The following FOXP2 variants were observed in gnomAD, a reference collection of about 807,000 sequenced individuals.
FOXP2 encodes the protein forkhead box P2.
Under a neutral mutation model 115.8 loss-of-function variants are expected in FOXP2, and 12 were observed. That is an observed-to-expected ratio of 0.10 (90% CI 0.07 to 0.17). The LOEUF is 0.17. Among genes scored for constraint, FOXP2 ranks in the 10% least tolerant of loss-of-function variants. FOXP2 has a pLI of 1.00. For synonymous variants in FOXP2, 328 were observed against 297.7 expected, an observed-to-expected ratio of 1.10 and a Z score of -1.05; for missense variants, 629 against 843.5, an observed-to-expected ratio of 0.75 and a Z score of 3.15.
intron 2 of FOXP2, among the ~76,000 whole-genome samples, chr7:114,530,481 T>C (rs1799090425): frequency 6.6e-6 from 1 of 151,892 alleles, no homozygotes; most frequent in Admixed American, 6.6e-5. Context: ...TATGGGGAGA[T>C]ATATGACTGA....
intron 1 of FOXP2, among the ~76,000 whole-genome samples, chr7:114,109,765 T>A (rs1335957227): frequency 6.6e-6 from 1 of 152,126 alleles, no homozygotes; most frequent in Non-Finnish European, 1.5e-5. Flanking sequence ...TATTTTTATT[T>A]GTTGTTAAAT....
At chr7:114,292,139 C>T (rs1470700728) in intron 2 of FOXP2, among the ~76,000 whole-genome samples, 3 of 151,104 alleles carry the variant, frequency 2.0e-5, no homozygotes, top group Non-Finnish European at 4.4e-5. Flanking sequence ...TTGCCATGTT[C>T]TGTTGGCTGG....
chr7:114,102,042 A>G (rs540013136), intron 1 of FOXP2, among the ~76,000 whole-genome samples: 1 of 151,794 alleles, frequency 6.6e-6, no homozygotes, highest in South Asian at 2.1e-4. Flanking sequence ...TATTTTTTCC[A>G]TACCTAAATT....
chr7:114,489,448 C>T (rs73436138), intron 2 of FOXP2, among the ~76,000 whole-genome samples: 3,854 of 152,054 alleles, frequency 0.025, 124 homozygotes, highest in African/African-American at 0.074. Context: ...GTTCTATTTA[C>T]TTATTATTTG....
At chr7:114,212,643 T>G (rs1158574184) in intron 1 of FOXP2, among the ~76,000 whole-genome samples, 11 of 152,216 alleles carry the variant, frequency 7.2e-5, no homozygotes, top group Admixed American at 6.5e-4. Flanking sequence ...TCCAAGTATT[T>G]TTGTTTTTTC....
At chr7:114,580,531 T>G (rs1357697051) in intron 3 of FOXP2, among the ~76,000 whole-genome samples, 2 of 152,024 alleles carry the variant, frequency 1.3e-5, no homozygotes, top group Non-Finnish European at 2.9e-5. Flanking sequence ...TGAGCTGAGA[T>G]CACACCACCA....
chr7:114,672,812 G>T (rs1807561861), intron 16 of FOXP2, among the ~76,000 whole-genome samples: 1 of 152,130 alleles, frequency 6.6e-6, no homozygotes, highest in South Asian at 2.1e-4. Context: ...CTCTGTAAAG[G>T]TATTCCAAGA....
In FOXP2 at chr7:114,691,954, A is replaced by G. The variant is rs1187493452; in HGVS notation, c.*2028A>G. 3 of 419,254 alleles carry G rather than the reference A, an allele frequency of 7.2e-6. No individual in the cohort carries two copies. The Admixed American group carries it at 9.5e-5, about 13-fold the overall frequency. The allele number at this position is 419,254 out of a possible 1,614,324, so 26.0% of individuals were successfully genotyped here. ...CAAAAAAAAAAAAAGAAAAAAAAAA[A>G]AAGAAAAACATTAGAACAATTATGG... On this transcript the variant is annotated 3_prime_UTR_variant, in exon 17 of 17. Coordinates refer to ENST00000350908, the MANE Select transcript of FOXP2 (RefSeq NM_014491.4).
At chr7:114,466,601 T>C (rs1255340961) in intron 2 of FOXP2, among the ~76,000 whole-genome samples, 1 of 152,158 alleles carries the variant, frequency 6.6e-6, no homozygotes, top group African/African-American at 2.4e-5. Context: ...TTTACTGATT[T>C]CTCCAGTCTT....
At chr7:114,661,563 C>A (rs1218465852) in intron 13 of FOXP2, among the ~76,000 whole-genome samples, 1 of 152,014 alleles carries the variant, frequency 6.6e-6, no homozygotes, top group Non-Finnish European at 1.5e-5. Context: ...ACAGAATAAA[C>A]AAACTCTGTC....
chr7:114,599,873 T>C (rs73716961), intron 3 of FOXP2, among the ~76,000 whole-genome samples: 3,266 of 152,272 alleles, frequency 0.021, 86 homozygotes, highest in African/African-American at 0.071. Flanking sequence ...CTTTAGTTTT[T>C]AGACCAGTTT....
chr7:114,431,710 T>C (rs1249602353), intron 2 of FOXP2, among the ~76,000 whole-genome samples: 1 of 151,984 alleles, frequency 6.6e-6, no homozygotes, highest in South Asian at 2.1e-4. Context: ...TCTTAACATG[T>C]AAGAATGCAT....
At chr7:114,230,047 T>A (rs1441940612) in intron 1 of FOXP2, among the ~76,000 whole-genome samples, 2 of 151,762 alleles carry the variant, frequency 1.3e-5, no homozygotes, top group African/African-American at 4.8e-5. Context: ...AAGGAGAGAT[T>A]ACAACTGATG....
At chr7:114,489,886 T>G (rs1403740143) in intron 2 of FOXP2, among the ~76,000 whole-genome samples, 1 of 152,094 alleles carries the variant, frequency 6.6e-6, no homozygotes, top group Non-Finnish European at 1.5e-5. Flanking sequence ...GATATTGCTG[T>G]GTATCTACTA....
At chr7:114,570,803 C>T in intron 3 of FOXP2, 1 of 1,610,504 alleles carries the variant, frequency 6.2e-7, no homozygotes, top group Non-Finnish European at 8.5e-7. Context: ...TTTGTTTAAC[C>T]TAGGAATTGC....
chr7:114,248,389 T>C (rs758246708), intron 1 of FOXP2, among the ~76,000 whole-genome samples: 49 of 152,270 alleles, frequency 3.2e-4, no homozygotes, highest in Non-Finnish European at 4.7e-4. Flanking sequence ...TTTAACCAAG[T>C]ATCTGGGCAC....
intron 2 of FOXP2, among the ~76,000 whole-genome samples, chr7:114,360,725 A>C (rs759190829): frequency 6.6e-6 from 1 of 152,198 alleles, no homozygotes; most frequent in South Asian, 2.1e-4. Context: ...TACAACATTT[A>C]CAGTCTAAGA....
At chr7:114,661,052 CT>C (rs3028481) in intron 13 of FOXP2, among the ~76,000 whole-genome samples, 213 of 142,354 alleles carry the variant, frequency 1.5e-3, no homozygotes, top group Middle Eastern at 3.6e-3. Flanking sequence ...TCTGCTTATG[CT>C]TTTTTTTTTT....
chr7:114,625,731 C>T (rs1022946902), intron 3 of FOXP2, among the ~76,000 whole-genome samples: 1 of 151,710 alleles, frequency 6.6e-6, no homozygotes, highest in Non-Finnish European at 1.5e-5. Flanking sequence ...TGCAATATTA[C>T]TGACCTTTGT....
Sources: allele counts gnomAD v4.1 joint callset (sites outside exome capture counted in the v4.1 genomes callset), GRCh38; gene constraint gnomAD v4.1.1; transcripts MANE v1.5; gene names NCBI Gene and HGNC (gene_info 2026-07-23, HGNC 2026-07-21).